Variants in PDE8B observed in about 807,000 individuals in gnomAD.
PDE8B encodes high affinity cAMP-specific and IBMX-insensitive 3',5'-cyclic phosphodiesterase 8B.
A neutral mutation model predicts 101.3 loss-of-function variants in PDE8B; 26 were observed. That is an observed-to-expected ratio of 0.26 (90% CI 0.19 to 0.36). PDE8B has a LOEUF of 0.36. Among genes scored for constraint, PDE8B ranks in the 10% least tolerant of loss-of-function variants. PDE8B has a pLI of 1.00. For missense variants in PDE8B, 810 were observed against 1,163.1 expected, an observed-to-expected ratio of 0.70 and a Z score of 4.42; for synonymous variants, 424 against 429.3, an observed-to-expected ratio of 0.99 and a Z score of 0.15.
intron 1 of PDE8B, among the ~76,000 whole-genome samples, chr5:77,264,449 TAGTG>T (rs1761270505): frequency 1.3e-5 from 2 of 152,196 alleles, no homozygotes; most frequent in African/African-American, 4.8e-5. Context: ...TTTTTTATAA[TAGTG>T]GGGACAATTT....
At chr5:77,127,379 C>T in the PDE8B span, among the ~76,000 whole-genome samples, 2 of 152,124 alleles carry the variant, frequency 1.3e-5, no homozygotes, top group South Asian at 2.1e-4. Context: ...TTCTCACTCC[C>T]GCCACCCTGT....
rs189499075 is a variant in PDE8B, at chr5:77,336,446, A to G, written c.709-781A>G. 1.1e-4 allele frequency among the ~76,000 whole-genome samples: 16 copies of G among 152,306 alleles called. No homozygotes were observed. The East Asian group carries it at 3.1e-3, about 29-fold the overall frequency. On this transcript the variant is annotated intron_variant, in intron 5 of 21. Transcript: ENST00000264917. ...GCATTCTGGCTCAATCAATTGACCT[A>G]TTCTAGATATTTCATATACATGGAA...
At chr5:77,143,542 A>C in the PDE8B span, among the ~76,000 whole-genome samples, 1 of 152,206 alleles carries the variant, frequency 6.6e-6, no homozygotes, top group Non-Finnish European at 1.5e-5. Context: ...CATAAGTGGA[A>C]GATGTTATGG....
At chr5:77,379,105 C>T (rs886759698) in intron 10 of PDE8B, among the ~76,000 whole-genome samples, 9 of 152,174 alleles carry the variant, frequency 5.9e-5, no homozygotes, top group African/African-American at 2.2e-4. Context: ...TCTGTAAAGG[C>T]TCTTGCAAAT....
intron 1 of PDE8B, among the ~76,000 whole-genome samples, chr5:77,297,337 C>G (rs908181458): frequency 4.2e-4 from 64 of 152,332 alleles, no homozygotes; most frequent in African/African-American, 1.5e-3. Context: ...CTCACCACTA[C>G]TCCTAGTGTA....
chr5:77,226,749 C>G (rs1752474926), intron 1 of PDE8B, among the ~76,000 whole-genome samples: 1 of 152,200 alleles, frequency 6.6e-6, no homozygotes, highest in South Asian at 2.1e-4. Context: ...CTTAAGATCT[C>G]TAGATCTTAA....
rs987515945 is a variant in PDE8B, at chr5:77,296,613, C to T, written c.340-15381C>T. 3.3e-5 allele frequency among the ~76,000 whole-genome samples: 5 copies of T among 152,110 alleles called. No individual in the cohort carries two copies. The East Asian group carries it at 9.6e-4, about 29-fold the overall frequency. On this transcript the variant is annotated intron_variant, in intron 1 of 21. Transcript: ENST00000264917. ...CTGGAAGGAGAAAGGAAGGAATGGA[C>T]TGGGGAGGCTATCTAAAAAAGAATT...
the PDE8B span, among the ~76,000 whole-genome samples, chr5:77,123,987 G>A: frequency 6.6e-6 from 1 of 152,078 alleles, no homozygotes; most frequent in Non-Finnish European, 1.5e-5. Flanking sequence ...TTTGAAGTGG[G>A]GCTAAATTAT....
intron 1 of PDE8B, among the ~76,000 whole-genome samples, chr5:77,239,342 C>A (rs1172534965): frequency 2.0e-5 from 3 of 152,212 alleles, no homozygotes; most frequent in Non-Finnish European, 4.4e-5. Flanking sequence ...AGTGGCCAGT[C>A]TGTGACCTGA....
chr5:77,423,322 G>C (rs1300243613), intron 20 of PDE8B, among the ~76,000 whole-genome samples: 1 of 152,302 alleles, frequency 6.6e-6, no homozygotes, highest in Admixed American at 6.5e-5. Flanking sequence ...TCATAAACAT[G>C]CAAGTACAGG....
chr5:77,215,636 T>C (rs1409636518), intron 1 of PDE8B, among the ~76,000 whole-genome samples: 1 of 152,218 alleles, frequency 6.6e-6, no homozygotes, highest in Non-Finnish European at 1.5e-5. Flanking sequence ...AAATCCTGTT[T>C]TGGTGACCAC....
At chr5:77,375,989 T>A (rs557078382) in intron 10 of PDE8B, among the ~76,000 whole-genome samples, 6 of 142,466 alleles carry the variant, frequency 4.2e-5, no homozygotes, top group Non-Finnish European at 9.0e-5. Context: ...GCCTCCCAGG[T>A]TCAAGCGATT....
intron 1 of PDE8B, among the ~76,000 whole-genome samples, chr5:77,254,022 A>G (rs1440660870): frequency 2.0e-5 from 3 of 152,134 alleles, no homozygotes; most frequent in Non-Finnish European, 4.4e-5. Flanking sequence ...AAAGATTACT[A>G]AAAAGTAATG....
rs987004800 is a variant in PDE8B, at chr5:77,291,622, CT to C, written c.340-20371del. On this transcript the variant is annotated intron_variant, in intron 1 of 21. Transcript: ENST00000264917. Reference sequence around the variant, plus strand: ...GGACCTAAAGGATCAGACTGTGGCACTGTAAATGTCAACATTCCAACAAGTG... The same window carrying C: ...GGACCTAAAGGATCAGACTGTGGCACGTAAATGTCAACATTCCAACAAGTG... 4.4e-6 allele frequency: 7 copies of C among 1,597,072 alleles called. No homozygotes were observed. In the African/African-American group the frequency reaches 9.4e-5, roughly 21 times the overall value.
At chr5:77,165,310 T>C in the PDE8B span, 1 of 152,368 alleles carries the variant, frequency 6.6e-6, no homozygotes, top group East Asian at 1.9e-4. Context: ...TTTTTAAAAA[T>C]GACAGTGTCT....
chr5:77,423,480 C>T (rs1228690220), intron 20 of PDE8B, among the ~76,000 whole-genome samples: 6 of 152,052 alleles, frequency 3.9e-5, no homozygotes, highest in African/African-American at 1.2e-4. Flanking sequence ...TATTTCTCAC[C>T]AACAGTGTAT....
chr5:77,308,429 A>T (rs1297713488), intron 1 of PDE8B, among the ~76,000 whole-genome samples: 2 of 152,190 alleles, frequency 1.3e-5, no homozygotes, highest in African/African-American at 4.8e-5. Context: ...AAAGGATGGT[A>T]GAGATACGAG....
At chr5:77,284,500 A>C (rs1765607703) in intron 1 of PDE8B, among the ~76,000 whole-genome samples, 1 of 152,182 alleles carries the variant, frequency 6.6e-6, no homozygotes, top group East Asian at 1.9e-4. Context: ...TTTTTGATTG[A>C]AGAATAATAT....
intron 1 of PDE8B, among the ~76,000 whole-genome samples, chr5:77,213,764 C>G (rs1338392660): frequency 6.6e-6 from 1 of 151,572 alleles, no homozygotes; most frequent in Non-Finnish European, 1.5e-5. Context: ...TCATTATCTA[C>G]TTGGCCTCTG....
Sources: allele counts gnomAD v4.1 joint callset (sites outside exome capture counted in the v4.1 genomes callset), GRCh38; gene constraint gnomAD v4.1.1; transcripts MANE v1.5; gene names NCBI Gene and HGNC (gene_info 2026-07-23, HGNC 2026-07-21).